Variants in RPS6KA1 observed in about 807,000 individuals in gnomAD.
RPS6KA1 encodes the protein ribosomal protein S6 kinase A1.
RPS6KA1 carries 48 observed loss-of-function variants against 91.3 expected under a neutral mutation model. The observed-to-expected ratio is 0.53, with a 90% CI of 0.42 to 0.67. RPS6KA1 has a LOEUF of 0.67. Among genes scored for constraint, RPS6KA1 ranks in the 30% least tolerant of loss-of-function variants. The pLI is 0.00. For synonymous variants in RPS6KA1, 359 were observed against 384.7 expected, an observed-to-expected ratio of 0.93 and a Z score of 0.78; for missense variants, 719 against 960.5, an observed-to-expected ratio of 0.75 and a Z score of 3.32.
intron 17 of RPS6KA1, among the ~76,000 whole-genome samples, chr1:26,565,798 G>A (rs907635720): frequency 6.6e-6 from 1 of 152,144 alleles, no homozygotes; most frequent in African/African-American, 2.4e-5. Flanking sequence ...CTGACCTCAA[G>A]TGATCCACCG....
In RPS6KA1 at chr1:26,571,817, C is replaced by CA; in HGVS notation, c.1753-31dup. On this transcript the variant is annotated intron_variant, in intron 18 of 21. Coordinates refer to ENST00000374168, the MANE Select transcript of RPS6KA1 (RefSeq NM_002953.4). The surrounding 1 kb of genome is among the most constrained non-coding windows in gnomAD (Gnocchi z 5.1). ...CTGTGGCGACTTTCTACTGCCCCCC[C>CA]AGACTGACCACCTCCCCTGCCCTGT... 6.3e-7 allele frequency: 1 copy of CA among 1,599,374 alleles called. No individual in the cohort carries two copies. The highest frequency in any genetic ancestry group is 8.5e-7 in the Non-Finnish European group (1 of 1,175,590).
Position 26,550,030 on chromosome 1 carries a change from C to T in RPS6KA1, c.308-1367C>T, listed in dbSNP as rs1557498808. The stretch of plus-strand genomic sequence containing the variant: ...GAGTAACTGGGATTACAGGCCCACG[C>T]CACCACGCCTAGCTAATTTTGTATT... On this transcript the variant is annotated intron_variant, in intron 4 of 21. Transcript: ENST00000374168. 2.0e-5 allele frequency among the ~76,000 whole-genome samples: 3 copies of T among 152,190 alleles called. No individual in the cohort carries two copies. The East Asian group carries it at 5.8e-4, about 29-fold the overall frequency.
intron 2 of RPS6KA1, among the ~76,000 whole-genome samples, chr1:26,544,616 A>G (rs1428272639): frequency 1.3e-5 from 2 of 152,088 alleles, no homozygotes; most frequent in Non-Finnish European, 2.9e-5. Flanking sequence ...CTGGGATTAC[A>G]GGTGCCCACC....
Position 26,572,233 on chromosome 1 carries a change from C to G in RPS6KA1, c.1887C>G (p.Ile629Met), listed in dbSNP as rs1422799331. 6.2e-7 allele frequency: 1 copy of G among 1,613,824 alleles called. No homozygotes were observed. The highest frequency in any genetic ancestry group is 1.3e-5 in the African/African-American group (1 of 74,812). ...SDTPEEILTR[I>M]GSGKFTLSGG... ...CACCAGAGGAAATCCTAACCCGGAT[C>G]GGCAGTGGGAAGTTTACCCTCAGTG... Residue 629 changes from isoleucine (I) to methionine (M), a missense_variant, in exon 20 of 22, where the codon ATC (isoleucine) becomes ATG (methionine). Ile to Met is a conservative substitution (Grantham distance 10, BLOSUM62 1). Around this residue, in one of 5 missense-constraint regions of RPS6KA1, gnomAD observed 249 missense variants for 323.1 expected, o/e 0.77. Transcript: ENST00000374168.
Position 26,547,517 on chromosome 1 carries a change from G to T in RPS6KA1, c.307+247G>T, listed in dbSNP as rs2076006157. 1.3e-5 allele frequency: 6 copies of T among 462,662 alleles called. No individual in the cohort carries two copies. Among genetic ancestry groups the T allele is most frequent in the South Asian group, 1.1e-4 (5 of 44,760 alleles). 28.7% of individuals were successfully genotyped at this position (462,662 alleles called of 1,614,324 possible). On this transcript the variant is annotated intron_variant, in intron 4 of 21. Transcript: ENST00000374168. The surrounding 1 kb of genome is among the most constrained non-coding windows in gnomAD (Gnocchi z 4.1). ...TAGGGTAAATGCAATGTGTTTGTCA[G>T]GGGGCGGGGCCCTCAACTACCAAGC...
chr1:26,545,836 GCC>G, intron 2 of RPS6KA1: 1 of 1,476,520 alleles, frequency 6.8e-7, no homozygotes, highest in South Asian at 1.3e-5. Context: ...CTTGGTCCCG[GCC>G]ACCACTGCGG....
Position 26,561,414 on chromosome 1 carries a change from C to T in RPS6KA1, c.1432-91C>T. On this transcript the variant is annotated intron_variant, in intron 16 of 21. Coordinates refer to ENST00000374168, the MANE Select transcript of RPS6KA1 (RefSeq NM_002953.4). The surrounding 1 kb of genome is among the most constrained non-coding windows in gnomAD (Gnocchi z 5.7). ...GCAAGCAGAACACCTGCCCAAGGCTCATGTCATTCTTCCCTGCTCTGGGGC... is the reference window on the plus strand; with the variant it reads ...GCAAGCAGAACACCTGCCCAAGGCTTATGTCATTCTTCCCTGCTCTGGGGC... The T allele has an allele frequency of 5.9e-6, 9 of 1,530,082 alleles. No individual in the cohort carries two copies. The highest frequency in any genetic ancestry group is 1.1e-5 in the South Asian group (1 of 87,620). The allele number at this position is 1,530,082 out of a possible 1,614,324, so 94.8% of individuals were successfully genotyped here.
intron 2 of RPS6KA1, among the ~76,000 whole-genome samples, chr1:26,545,592 C>T (rs1220330343): frequency 1.3e-5 from 2 of 152,204 alleles, no homozygotes; most frequent in Non-Finnish European, 2.9e-5. Flanking sequence ...GGGTACCTCT[C>T]TGCTGTTGGG....
In RPS6KA1 at chr1:26,555,433, TG is replaced by T. The variant is rs1378149686; in HGVS notation, c.828-102del. 4 of 1,210,424 alleles carry T rather than the reference TG, an allele frequency of 3.3e-6. No homozygotes were observed. Among genetic ancestry groups the T allele is most frequent in the Non-Finnish European group, 3.5e-6 (3 of 845,182 alleles). 75.0% of individuals were successfully genotyped at this position (1,210,424 alleles called of 1,614,324 possible). A position where few individuals can be genotyped will look rare whatever the true frequency, so the allele number is the denominator to read the frequency against. ...AGCCTTTGGGAAGTGAATTAGTGGA[TG>T]GCTTGTCTAGACTGAGCTGGGAACT... On this transcript the variant is annotated intron_variant, in intron 10 of 21. Transcript: ENST00000374168. This position sits in a 1 kb window ranked among gnomAD's most constrained non-coding sequence, Gnocchi z 4.3.
At chr1:26,549,996 C>T (rs1193221046) in intron 4 of RPS6KA1, among the ~76,000 whole-genome samples, 4 of 152,208 alleles carry the variant, frequency 2.6e-5, no homozygotes, top group Admixed American at 6.5e-5. Flanking sequence ...TCTCCTGCCT[C>T]GGCCTCACGA....
At chr1:26,559,407 C>A (rs1402250687) in intron 14 of RPS6KA1, among the ~76,000 whole-genome samples, 1 of 152,030 alleles carries the variant, frequency 6.6e-6, no homozygotes, top group Non-Finnish European at 1.5e-5. Flanking sequence ...TGCTCTGTTG[C>A]CCAGGCTGGA....
chr1:26,574,797 C>T lies in RPS6KA1; in HGVS notation c.*596C>T. 3.9e-6 allele frequency: 1 copy of T among 256,918 alleles called. No individual in the cohort carries two copies. The highest frequency in any genetic ancestry group is 7.8e-6 in the Non-Finnish European group (1 of 127,554). The allele number at this position is 256,918 out of a possible 1,614,324, so 15.9% of individuals were successfully genotyped here. A position where few individuals can be genotyped will look rare whatever the true frequency, so the allele number is the denominator to read the frequency against. On this transcript the variant is annotated 3_prime_UTR_variant, in exon 22 of 22. Transcript: ENST00000374168. This position sits in a 1 kb window ranked among gnomAD's most constrained non-coding sequence, Gnocchi z 4.3. ...GCTGGCTTCCAGCTTCAGGCACCAGCATCCACCTTGGCTCTGCCAGTGGAT... is the reference window on the plus strand; with the variant it reads ...GCTGGCTTCCAGCTTCAGGCACCAGTATCCACCTTGGCTCTGCCAGTGGAT...
intron 1 of RPS6KA1, among the ~76,000 whole-genome samples, chr1:26,535,967 G>A (rs889005150): frequency 4.0e-5 from 6 of 151,800 alleles, no homozygotes; most frequent in African/African-American, 1.2e-4. Context: ...CCTGGCCAAC[G>A]TGGTGAAACC....
chr1:26,564,818 T>C (rs1018670170), intron 17 of RPS6KA1, among the ~76,000 whole-genome samples: 2 of 152,232 alleles, frequency 1.3e-5, no homozygotes, highest in Non-Finnish European at 2.9e-5. Flanking sequence ...GTTTTTGAAA[T>C]GCCAGTGCAA....
Position 26,555,296 on chromosome 1 carries a change from T to C in RPS6KA1, c.827+75T>C. ...CCCAGTTTGGGGGTCAGAATATTAT[T>C]ACCCTGTCCCTGCCTCAGCTACCCT... On this transcript the variant is annotated intron_variant, in intron 10 of 21. Coordinates refer to ENST00000374168, the MANE Select transcript of RPS6KA1 (RefSeq NM_002953.4). The surrounding 1 kb of genome is among the most constrained non-coding windows in gnomAD (Gnocchi z 4.3). 7.0e-7 allele frequency: 1 copy of C among 1,421,438 alleles called. No homozygotes were observed. Among genetic ancestry groups the C allele is most frequent in the South Asian group, 1.2e-5 (1 of 85,284 alleles). 88.1% of individuals were successfully genotyped at this position (1,421,438 alleles called of 1,614,324 possible).
chr1:26,543,332 G>A, intron 2 of RPS6KA1: 1 of 813,676 alleles, frequency 1.2e-6, no homozygotes, highest in Non-Finnish European at 2.0e-6. Flanking sequence ...TCCTGTCTCT[G>A]TCCCCAGGGA....
At chr1:26,535,767 G>A (rs185507113) in intron 1 of RPS6KA1, among the ~76,000 whole-genome samples, 26 of 152,182 alleles carry the variant, frequency 1.7e-4, no homozygotes, top group African/African-American at 5.8e-4. Context: ...GTGACCATAG[G>A]CATCATCACT....
chr1:26,570,319 T>A (rs1361612816), intron 17 of RPS6KA1, among the ~76,000 whole-genome samples: 1 of 151,952 alleles, frequency 6.6e-6, no homozygotes, highest in Non-Finnish European at 1.5e-5. Context: ...ACCCTGTCTC[T>A]GCAAAAAATG....
intron 1 of RPS6KA1, among the ~76,000 whole-genome samples, chr1:26,533,776 A>C (rs1367977217): frequency 6.6e-6 from 1 of 152,226 alleles, no homozygotes; most frequent in African/African-American, 2.4e-5. Flanking sequence ...TGGCAGAGCT[A>C]GGATTAGTGG....
Sources: gnomAD v4.1 joint callset for allele counts (sites outside exome capture counted in the v4.1 genomes callset) on GRCh38, gnomAD v4.1.1 for gene constraint, gnomAD v4.1.1 regional missense constraint, Gnocchi (gnomAD v3.1) non-coding constraint, MANE v1.5 for transcripts, NCBI Gene and HGNC (gene_info 2026-07-23, HGNC 2026-07-21) for gene names.